BPIFB1: variants seen among roughly 807,000 people sequenced by gnomAD.
The protein encoded by BPIFB1 is BPI fold containing family B member 1.
A neutral mutation model predicts 55.1 loss-of-function variants in BPIFB1; 34 were observed. That is an observed-to-expected ratio of 0.62 (90% CI 0.47 to 0.82). The LOEUF is 0.82. Among genes scored for constraint, BPIFB1 ranks in the 40% least tolerant of loss-of-function variants. The pLI is 0.00. For synonymous variants in BPIFB1, 236 were observed against 245.3 expected (o/e 0.96, Z 0.35); for missense variants, 532 against 593.1 (o/e 0.90, Z 1.07).
At chr20:33,306,513 A>G (rs1353180792) in intron 14 of BPIFB1, 4 of 314,660 alleles carry the variant, frequency 1.3e-5, no homozygotes, top group African/African-American at 8.4e-5. Context: ...GTCAGTGCCC[A>G]ACACTCTAAT....
At chr20:33,286,232 G>T (rs373034089) in intron 2 of BPIFB1, 44 bp downstream of exon 2, 5 of 1,557,610 alleles carry the variant, frequency 3.2e-6, no homozygotes, top group Non-Finnish European at 1.8e-6. Flanking sequence ...AGACAAGGGG[G>T]TAGGTGGAGC....
chr20:33,297,395 TG>T (rs1453710503), intron 6 of BPIFB1, 129 bp from the exon 7 acceptor site: 144 of 947,266 alleles, frequency 1.5e-4, no homozygotes, highest in Non-Finnish European at 2.2e-4. Context: ...CCTCAACCCA[TG>T]GATGGAACCT....
Position 33,299,917 on chromosome 20 carries a change from T to C in BPIFB1, c.680T>C (p.Ile227Thr). 1 of 1,613,998 alleles carries C rather than the reference T, an allele frequency of 6.2e-7. No individual in the cohort carries two copies. Among genetic ancestry groups the C allele is most frequent in the Non-Finnish European group, 8.5e-7 (1 of 1,179,952 alleles). Reference sequence around the variant, plus strand: ...TGAGCAGTGCCCATTTCCCTCAGCATTGACCGTCTGGAGTTTGACCTTCTG... The same window carrying C: ...TGAGCAGTGCCCATTTCCCTCAGCACTGACCGTCTGGAGTTTGACCTTCTG... Reference protein sequence around the residue: ...QLVKVPISLSIDRLEFDLLYP... With the variant: ...QLVKVPISLSTDRLEFDLLYP... Residue 227 changes from isoleucine (I) to threonine (T), a missense_variant, in exon 8 of 16, where the codon ATT (isoleucine) becomes ACT (threonine). Coordinates refer to ENST00000253354, the MANE Select transcript of BPIFB1 (RefSeq NM_033197.3).
chr20:33,286,776 T>G (rs918480858), intron 2 of BPIFB1, among the ~76,000 whole-genome samples: 1 of 152,228 alleles, frequency 6.6e-6, no homozygotes, highest in African/African-American at 2.4e-5. Flanking sequence ...CTATTTATTA[T>G]GGGGGGTGTC....
At chr20:33,300,966 T>C (rs1462254418) in intron 8 of BPIFB1, among the ~76,000 whole-genome samples, 2 of 152,004 alleles carry the variant, frequency 1.3e-5, no homozygotes, top group African/African-American at 4.8e-5. Context: ...TTTTTAATTT[T>C]CCCTCCATCC....
chr20:33,306,674 G>C (rs556821669), intron 14 of BPIFB1: 35 of 554,366 alleles, frequency 6.3e-5, no homozygotes, highest in African/African-American at 6.2e-4. Flanking sequence ...TTGAGCAAGA[G>C]CGTAAGAGAA....
intron 2 of BPIFB1, 133 bp downstream of exon 2, chr20:33,286,321 G>A: frequency 1.3e-6 from 1 of 745,966 alleles, no homozygotes; most frequent in South Asian, 1.7e-5. Flanking sequence ...GTGAACATGA[G>A]TGGGAGGTTG....
intron 14 of BPIFB1, 189 bp from the exon 15 acceptor site, chr20:33,306,722 G>C (rs1395122913): frequency 1.7e-6 from 1 of 604,534 alleles, no homozygotes; most frequent in Non-Finnish European, 3.0e-6. Context: ...AGAAGCCAGT[G>C]CCAGAGGCAA....
chr20:33,287,153 A>T (rs1052384457), intron 2 of BPIFB1, among the ~76,000 whole-genome samples: 1 of 152,244 alleles, frequency 6.6e-6, no homozygotes, highest in African/African-American at 2.4e-5. Context: ...GTGAAGCTCA[A>T]GCATGTGGAA....
At chr20:33,297,965 A>G (rs1286472453) in intron 7 of BPIFB1, among the ~76,000 whole-genome samples, 1 of 152,180 alleles carries the variant, frequency 6.6e-6, no homozygotes, top group Non-Finnish European at 1.5e-5. Context: ...ATAAAAGTCT[A>G]CAGGAAAGTT....
At chr20:33,294,997 C>T (rs1315823183) in intron 6 of BPIFB1, among the ~76,000 whole-genome samples, 1 of 152,020 alleles carries the variant, frequency 6.6e-6, no homozygotes, top group Admixed American at 6.6e-5. Flanking sequence ...GGAGGATCCC[C>T]TGAGATCAGG....
In BPIFB1 at chr20:33,309,235, T is replaced by C. The variant is rs1379995232; in HGVS notation, c.1396-473T>C. Among the ~76,000 whole-genome samples the C allele has an allele frequency of 6.6e-6, 1 of 152,146 alleles. No individual in the cohort carries two copies. The highest frequency in any genetic ancestry group is 1.5e-5 in the Non-Finnish European group (1 of 68,014). On this transcript the variant is annotated intron_variant, in intron 15 of 15. Coordinates refer to ENST00000253354, the MANE Select transcript of BPIFB1 (RefSeq NM_033197.3). The surrounding 1 kb of genome is among the most constrained non-coding windows in gnomAD (Gnocchi z 4.4). ...AGGCTCTGGGGCATCTCTCCCCCTCTAGAGTGGAGCCAAAACTTCAAGAAG... is the reference window on the plus strand; with the variant it reads ...AGGCTCTGGGGCATCTCTCCCCCTCCAGAGTGGAGCCAAAACTTCAAGAAG...
intron 13 of BPIFB1, 90 bp from the exon 14 acceptor site, chr20:33,305,912 C>A (rs1981009448): frequency 1.4e-6 from 2 of 1,412,786 alleles, no homozygotes; most frequent in East Asian, 2.3e-5. Flanking sequence ...AGCCACCTCA[C>A]CCATGGGGAG....
chr20:33,290,424 G>A (rs1023840385), intron 4 of BPIFB1, among the ~76,000 whole-genome samples: 4 of 152,210 alleles, frequency 2.6e-5, no homozygotes, highest in Non-Finnish European at 1.5e-5. Context: ...CAATTCAGGA[G>A]GAGATAATGA....
Position 33,293,653 on chromosome 20 carries a change from A to C in BPIFB1, c.597+1665A>C, listed in dbSNP as rs74714932. Reference sequence around the variant, plus strand: ...AGGATTTGCGACTTGCCTGGAAAACACAGAGAAACCCATCTCTACAGAAAA... The same window carrying C: ...AGGATTTGCGACTTGCCTGGAAAACCCAGAGAAACCCATCTCTACAGAAAA... On this transcript the variant is annotated intron_variant, in intron 6 of 15. Transcript: ENST00000253354. Among the ~76,000 whole-genome samples, 451 of 152,258 alleles carry C rather than the reference A, an allele frequency of 3.0e-3. 1 individual carries two copies. The highest frequency in any genetic ancestry group is 0.027 in the Middle Eastern group (8 of 294).
chr20:33,309,729 G>T lies in BPIFB1; in HGVS notation c.1417G>T (p.Ala473Ser). The change falls in exon 16 of 16, where the codon GCC becomes TCC. Residue 473 changes from alanine to serine, a missense_variant. By Grantham distance (99) the Ala-to-Ser change is moderately conservative. Coordinates refer to ENST00000253354, the MANE Select transcript of BPIFB1 (RefSeq NM_033197.3). This position sits in a 1 kb window ranked among gnomAD's most constrained non-coding sequence, Gnocchi z 4.4. ...LTKDALVLTPASLWKPSSPVS... is the reference protein window; with the variant it reads ...LTKDALVLTPSSLWKPSSPVS... Reference sequence around the variant, plus strand: ...CCAGGATGCCCTTGTGCTTACTCCAGCCTCCTTGTGGAAACCCAGCTCTCC... The same window carrying T: ...CCAGGATGCCCTTGTGCTTACTCCATCCTCCTTGTGGAAACCCAGCTCTCC... 1 of 1,614,178 alleles carries T rather than the reference G, an allele frequency of 6.2e-7. No individual in the cohort carries two copies. The highest frequency in any genetic ancestry group is 8.5e-7 in the Non-Finnish European group (1 of 1,179,994).
intron 12 of BPIFB1, 102 bp downstream of exon 12, chr20:33,304,127 G>A (rs1980942056): frequency 1.9e-6 from 2 of 1,050,144 alleles, no homozygotes; most frequent in South Asian, 1.4e-5. Context: ...TCAGGTGAAG[G>A]CGGCTCCAGG....
rs748854743 is a variant in BPIFB1 at position 33,306,098 on chromosome 20, C to G, written c.1318+33C>G. 5 of 1,611,506 alleles carry G rather than the reference C, an allele frequency of 3.1e-6. No homozygotes were observed. In the South Asian group the frequency reaches 5.5e-5, roughly 18 times the overall value. Reference sequence around the variant, plus strand: ...CCTCTGCCATCTGTGCCCCCTCTCTCCCCAGGGCTTGGCTTTACTTCCCCT... The same window carrying G: ...CCTCTGCCATCTGTGCCCCCTCTCTGCCCAGGGCTTGGCTTTACTTCCCCT... On this transcript the variant is annotated intron_variant, in intron 14 of 15. Coordinates refer to ENST00000253354, the MANE Select transcript of BPIFB1 (RefSeq NM_033197.3).
chr20:33,307,594 A>G (rs1393311428), intron 15 of BPIFB1: 1 of 154,020 alleles, frequency 6.5e-6, no homozygotes, highest in African/African-American at 2.4e-5. Context: ...GGGACAGCGT[A>G]TTAGGCCGTT....
Sources: allele counts gnomAD v4.1 joint callset (sites outside exome capture counted in the v4.1 genomes callset), GRCh38; gene constraint gnomAD v4.1.1; non-coding constraint Gnocchi (gnomAD v3.1); transcripts MANE v1.5; gene names NCBI Gene and HGNC (gene_info 2026-07-23, HGNC 2026-07-21).